The following ASCC3 variants were observed in gnomAD, a reference collection of about 807,000 sequenced individuals.
ASCC3 encodes activating signal cointegrator 1 complex subunit 3, also known as ASC-1 complex subunit P200.
In ASCC3, 158 loss-of-function variants were observed where a neutral mutation model predicts 256.3. That is an observed-to-expected ratio of 0.62 (90% CI 0.54 to 0.70). The LOEUF is 0.70. Ranked by LOEUF, ASCC3 falls within the 30% of genes least tolerant of loss-of-function variation. The probability of loss-of-function intolerance (pLI) is 0.00; values close to 1 mark genes in which losing one functional copy is unlikely to be tolerated. For synonymous variants in ASCC3, 948 were observed against 883.4 expected (o/e 1.07, Z -1.30); for missense variants, 2,259 against 2,626.0 (o/e 0.86, Z 3.05).
chr6:100,829,537 C>T (rs1422711887), intron 4 of ASCC3, among the ~76,000 whole-genome samples: 1 of 152,098 alleles, frequency 6.6e-6, no homozygotes, highest in Non-Finnish European at 1.5e-5. Flanking sequence ...CCGCAAGCAC[C>T]GCGTGCAGCC....
intron 36 of ASCC3, among the ~76,000 whole-genome samples, chr6:100,586,967 A>C (rs1159636098): frequency 6.6e-6 from 1 of 152,216 alleles, no homozygotes; most frequent in Non-Finnish European, 1.5e-5. Context: ...ACTAAAGTTT[A>C]AAAATGACTT....
chr6:100,676,129 G>A (rs921946613), intron 14 of ASCC3, among the ~76,000 whole-genome samples: 1 of 151,582 alleles, frequency 6.6e-6, no homozygotes, highest in African/African-American at 2.4e-5. Flanking sequence ...AAATATGTAG[G>A]GTAAATTAAG....
At chr6:100,579,424 A>T (rs569603840) in intron 36 of ASCC3, among the ~76,000 whole-genome samples, 2 of 152,184 alleles carry the variant, frequency 1.3e-5, no homozygotes, top group African/African-American at 4.8e-5. Context: ...GCCAGGGCCT[A>T]CGTCCAGAAT....
At chr6:100,721,144 C>A (rs933654497) in intron 11 of ASCC3, among the ~76,000 whole-genome samples, 1 of 151,326 alleles carries the variant, frequency 6.6e-6, no homozygotes. Context: ...TTTTCTTTTT[C>A]TACTGGGGAT....
At chr6:100,825,861 A>C (rs935612850) in intron 4 of ASCC3, among the ~76,000 whole-genome samples, 1 of 151,332 alleles carries the variant, frequency 6.6e-6, no homozygotes, top group South Asian at 2.1e-4. Context: ...TTAATCTTCA[A>C]TCTCTGATAT....
At chr6:100,544,064 C>T (rs1276493981) in intron 36 of ASCC3, among the ~76,000 whole-genome samples, 1 of 151,944 alleles carries the variant, frequency 6.6e-6, no homozygotes, top group East Asian at 1.9e-4. Context: ...TAATACACCT[C>T]TAACTCATGA....
intron 13 of ASCC3, among the ~76,000 whole-genome samples, chr6:100,692,536 A>G (rs1777889622): frequency 6.6e-6 from 1 of 152,028 alleles, no homozygotes; most frequent in Non-Finnish European, 1.5e-5. Flanking sequence ...TTTCACCCAC[A>G]CTATTGAAAA....
chr6:100,657,937 C>G (rs945671682), intron 16 of ASCC3, among the ~76,000 whole-genome samples: 1 of 151,384 alleles, frequency 6.6e-6, no homozygotes, highest in African/African-American at 2.4e-5. Context: ...AGTACAGGAA[C>G]CTTTTATAAA....
At chr6:100,828,716 G>A (rs1384566518) in intron 4 of ASCC3, among the ~76,000 whole-genome samples, 1 of 152,142 alleles carries the variant, frequency 6.6e-6, no homozygotes, top group Non-Finnish European at 1.5e-5. Flanking sequence ...CTGGCTTCAG[G>A]AGTGAAGCTG....
chr6:100,568,449 G>A (rs899451622), intron 36 of ASCC3, among the ~76,000 whole-genome samples: 3 of 150,940 alleles, frequency 2.0e-5, no homozygotes, highest in Non-Finnish European at 2.9e-5. Context: ...GATGATTAGC[G>A]ATGTGGAGCA....
chr6:100,687,682 T>TA (rs1190348554), intron 13 of ASCC3, among the ~76,000 whole-genome samples: 3 of 152,134 alleles, frequency 2.0e-5, no homozygotes, highest in Non-Finnish European at 2.9e-5. Context: ...GTAAAAAGCC[T>TA]AAAAAAACAC....
chr6:100,729,348 C>T (rs1378549818), intron 10 of ASCC3, among the ~76,000 whole-genome samples: 2 of 152,094 alleles, frequency 1.3e-5, no homozygotes, highest in Non-Finnish European at 2.9e-5. Flanking sequence ...ATTTCAACTT[C>T]TTGAACAAAC....
At chr6:100,584,587 A>G (rs534308424) in intron 36 of ASCC3, among the ~76,000 whole-genome samples, 1 of 152,046 alleles carries the variant, frequency 6.6e-6, no homozygotes, top group South Asian at 2.1e-4. Flanking sequence ...ATTTACATTT[A>G]AAGTTAATAT....
intron 14 of ASCC3, among the ~76,000 whole-genome samples, chr6:100,678,162 T>G (rs2114961950): frequency 6.6e-6 from 1 of 152,204 alleles, no homozygotes; most frequent in South Asian, 2.1e-4. Flanking sequence ...AACAATTAAA[T>G]AATAAACCGG....
In ASCC3 at chr6:100,878,604, T is replaced by C. The variant is rs1471237415; in HGVS notation, c.-42+2457A>G. 1.3e-5 allele frequency among the ~76,000 whole-genome samples: 2 copies of C among 152,172 alleles called. 1 individual carries two copies. Among genetic ancestry groups the C allele is most frequent in the South Asian group, 4.1e-4 (2 of 4,826 alleles). ...CCAGCACATATTAGGCAGTATGTATTATAACTCTTCCCACGAAAGTCCAGT... is the reference window on the plus strand; with the variant it reads ...CCAGCACATATTAGGCAGTATGTATCATAACTCTTCCCACGAAAGTCCAGT... On this transcript the variant is annotated intron_variant, in intron 1 of 41. Transcript: ENST00000369162.
chr6:100,653,742 G>A (rs1775783879), intron 17 of ASCC3, among the ~76,000 whole-genome samples: 2 of 151,922 alleles, frequency 1.3e-5, no homozygotes, highest in Admixed American at 6.5e-5. Flanking sequence ...GTGAATTTTT[G>A]TATAGTTTTA....
At chr6:100,697,722 C>A (rs1419291974) in intron 13 of ASCC3, among the ~76,000 whole-genome samples, 2 of 151,930 alleles carry the variant, frequency 1.3e-5, no homozygotes, top group Non-Finnish European at 2.9e-5. Context: ...CAATTCCCAT[C>A]AATATGACAA....
rs148584460 is a variant in ASCC3 at position 100,574,733 on chromosome 6, A to T, written c.5550+14901T>A. On this transcript the variant is annotated intron_variant, in intron 36 of 41. Transcript: ENST00000369162. ...ATTTAAAACAGGACAAATTCCAGAT[A>T]GTATTACAAATACATTTTATGCTTG... 2.0e-5 allele frequency among the ~76,000 whole-genome samples: 3 copies of T among 152,146 alleles called. No individual in the cohort carries two copies. The East Asian group carries it at 5.8e-4, about 29-fold the overall frequency.
chr6:100,544,700 T>C (rs1405066496), intron 36 of ASCC3, among the ~76,000 whole-genome samples: 1 of 152,120 alleles, frequency 6.6e-6, no homozygotes, highest in Non-Finnish European at 1.5e-5. Flanking sequence ...GAAAACTCCA[T>C]GCCCTGATAG....
Sources: allele counts gnomAD v4.1 joint callset (sites outside exome capture counted in the v4.1 genomes callset), GRCh38; gene constraint gnomAD v4.1.1; transcripts MANE v1.5; gene names NCBI Gene and HGNC (gene_info 2026-07-23, HGNC 2026-07-21).